Variants in CHRM3 observed in about 807,000 individuals in gnomAD.
The protein encoded by CHRM3 is cholinergic receptor muscarinic 3.
CHRM3 carries 11 observed loss-of-function variants against 41.8 expected under a neutral mutation model. The ratio of observed to expected loss-of-function variants is 0.26; its 90% confidence interval spans 0.17 to 0.44. CHRM3 has a LOEUF of 0.44. Ranked by LOEUF, CHRM3 falls within the 20% of genes least tolerant of loss-of-function variation. CHRM3 has a pLI of 1.00. For synonymous variants in CHRM3, 297 were observed against 301.4 expected, an observed-to-expected ratio of 0.99 and a Z score of 0.15; for missense variants, 571 against 745.4, an observed-to-expected ratio of 0.77 and a Z score of 2.72.
chr1:239,735,357 C>G (rs1664307363), intron 5 of CHRM3, among the ~76,000 whole-genome samples: 2 of 152,176 alleles, frequency 1.3e-5, no homozygotes, highest in Non-Finnish European at 2.9e-5. Context: ...GCACTTGCCT[C>G]TGCTACTGTC....
chr1:239,492,153 GTA>G, intron 1 of CHRM3, among the ~76,000 whole-genome samples: 1 of 152,298 alleles, frequency 6.6e-6, no homozygotes, highest in South Asian at 2.1e-4. Context: ...CCCTGGCTAA[GTA>G]TATGTTTCTA....
chr1:239,544,291 C>A (rs1659075738), intron 2 of CHRM3, among the ~76,000 whole-genome samples: 1 of 152,176 alleles, frequency 6.6e-6, no homozygotes, highest in East Asian at 1.9e-4. Flanking sequence ...TCGTGCCATC[C>A]TTCCCCCTGT....
chr1:239,814,851 C>T (rs557267993), intron 5 of CHRM3, among the ~76,000 whole-genome samples: 9 of 152,158 alleles, frequency 5.9e-5, no homozygotes, highest in Admixed American at 1.3e-4. Flanking sequence ...GATGCAGTCT[C>T]GGCTCACGGC....
chr1:239,584,108 C>CTTTTTT (rs769127124), intron 3 of CHRM3, among the ~76,000 whole-genome samples: 11 of 124,400 alleles, frequency 8.8e-5, no homozygotes, highest in Non-Finnish European at 1.3e-4. Context: ...TCTTCTTCTT[C>CTTTTTT]TTTTTTTTTT....
At chr1:239,850,706 C>CAGTG (rs1674632058) in intron 6 of CHRM3, among the ~76,000 whole-genome samples, 2 of 152,088 alleles carry the variant, frequency 1.3e-5, no homozygotes, top group Non-Finnish European at 2.9e-5. Flanking sequence ...GTTCTCATGA[C>CAGTG]AGTGAGTGAG....
intron 5 of CHRM3, chr1:239,707,398 C>G (rs768062524): frequency 2.0e-5 from 3 of 152,062 alleles, no homozygotes; most frequent in Non-Finnish European, 2.9e-5. Context: ...GTTGTGGGCC[C>G]GTGATAATTC....
chr1:239,600,842 G>T (rs773217391), intron 3 of CHRM3, among the ~76,000 whole-genome samples: 1 of 145,362 alleles, frequency 6.9e-6, no homozygotes, highest in Non-Finnish European at 1.5e-5. Flanking sequence ...CACATTGCAT[G>T]CATTCTTTCT....
In CHRM3 at chr1:239,464,494, C is replaced by T. The variant is rs554661603; in HGVS notation, c.-520-28215C>T. Among the ~76,000 whole-genome samples, 121 of 152,218 alleles carry T rather than the reference C, an allele frequency of 7.9e-4. No individual in the cohort carries two copies. In the South Asian group the frequency reaches 0.017, roughly 21 times the overall value. On this transcript the variant is annotated intron_variant, in intron 1 of 6. Transcript: ENST00000676153. ...GGACATTGCTCTCTTGCCTGGAACGCCCTCTGTTTCGTCCCCAAAGTCATA... is the reference window on the plus strand; with the variant it reads ...GGACATTGCTCTCTTGCCTGGAACGTCCTCTGTTTCGTCCCCAAAGTCATA...
chr1:239,842,195 T>G (rs1471483924), intron 6 of CHRM3, among the ~76,000 whole-genome samples: 1 of 150,834 alleles, frequency 6.6e-6, no homozygotes, highest in Non-Finnish European at 1.5e-5. Context: ...TTAAATTCCA[T>G]GTCCACATGT....
At chr1:239,787,576 G>T (rs1428540744) in intron 5 of CHRM3, among the ~76,000 whole-genome samples, 1 of 152,104 alleles carries the variant, frequency 6.6e-6, no homozygotes, top group Admixed American at 6.5e-5. Context: ...CAATTCAAAG[G>T]TCCTTGCGAC....
At chr1:239,559,385 A>G (rs1214590121) in intron 3 of CHRM3, among the ~76,000 whole-genome samples, 5 of 152,158 alleles carry the variant, frequency 3.3e-5, no homozygotes, top group Admixed American at 2.0e-4. Flanking sequence ...TTGTGTTTAA[A>G]ATTGAATCTC....
intron 3 of CHRM3, among the ~76,000 whole-genome samples, chr1:239,630,087 A>G (rs1251933979): frequency 5.3e-5 from 8 of 152,210 alleles, no homozygotes; most frequent in Admixed American, 5.2e-4. Context: ...ATCTGATACT[A>G]GAGAAATTTA....
intron 2 of CHRM3, among the ~76,000 whole-genome samples, chr1:239,535,530 C>T (rs186713780): frequency 8.0e-4 from 120 of 149,670 alleles, no homozygotes; most frequent in African/African-American, 2.8e-3. Flanking sequence ...TTTTTGGCAC[C>T]CCATACCTAC....
chr1:239,868,050 C>T (rs914393314), intron 6 of CHRM3, among the ~76,000 whole-genome samples: 9 of 152,176 alleles, frequency 5.9e-5, no homozygotes, highest in Non-Finnish European at 8.8e-5. Context: ...CAAGTGTGCC[C>T]GTGGCACCCA....
At chr1:239,711,711 A>G (rs1661811914) in intron 5 of CHRM3, among the ~76,000 whole-genome samples, 1 of 146,726 alleles carries the variant, frequency 6.8e-6, no homozygotes, top group Admixed American at 6.8e-5. Flanking sequence ...TTTTTTAGTG[A>G]CAGGGTCTCA....
At chr1:239,850,767 G>A (rs559559959) in intron 6 of CHRM3, among the ~76,000 whole-genome samples, 57 of 152,156 alleles carry the variant, frequency 3.7e-4, no homozygotes, top group African/African-American at 1.3e-3. Flanking sequence ...CTTTTGCTTG[G>A]CACTTCTCCT....
At chr1:239,736,244 G>T (rs987971286) in intron 5 of CHRM3, among the ~76,000 whole-genome samples, 1 of 151,998 alleles carries the variant, frequency 6.6e-6, no homozygotes, top group Non-Finnish European at 1.5e-5. Context: ...TAAATAAGCT[G>T]CCCCAAAGCC....
intron 5 of CHRM3, among the ~76,000 whole-genome samples, chr1:239,774,750 T>C (rs1267396237): frequency 6.6e-6 from 1 of 152,190 alleles, no homozygotes; most frequent in Non-Finnish European, 1.5e-5. Flanking sequence ...ATTATCTGAT[T>C]CCTGTCTTGT....
chr1:239,414,563 C>A (rs1053645291), intron 1 of CHRM3, among the ~76,000 whole-genome samples: 1 of 152,166 alleles, frequency 6.6e-6, no homozygotes, highest in Non-Finnish European at 1.5e-5. Flanking sequence ...TGGAACAGAA[C>A]AAAATATTTT....
Sources: gnomAD v4.1 joint callset for allele counts (sites outside exome capture counted in the v4.1 genomes callset) on GRCh38, gnomAD v4.1.1 for gene constraint, MANE v1.5 for transcripts, NCBI Gene and HGNC (gene_info 2026-07-23, HGNC 2026-07-21) for gene names.